Variants in PCDHA3 observed in about 807,000 individuals in gnomAD.
PCDHA3 encodes protocadherin alpha 3.
PCDHA3 carries 41 observed loss-of-function variants against 62.2 expected under a neutral mutation model. The observed-to-expected ratio is 0.66, with a 90% confidence interval of 0.51 to 0.86. The LOEUF (loss-of-function observed/expected upper bound fraction) is 0.86, where lower values mean the gene tolerates loss of function less well. Ranked by LOEUF, PCDHA3 falls within the 40% of genes least tolerant of loss-of-function variation. The probability of loss-of-function intolerance (pLI) is 0.00; values close to 1 mark genes in which losing one functional copy is unlikely to be tolerated. For missense variants in PCDHA3, 1,304 were observed against 1,241.2 expected, an observed-to-expected ratio of 1.05 and a Z score of -0.76; for synonymous variants, 640 against 555.4, an observed-to-expected ratio of 1.15 and a Z score of -2.14.
At chr5:140,844,146 A>G (rs1056681888) in intron 1 of PCDHA3, among the ~76,000 whole-genome samples, 1 of 149,130 alleles carries the variant, frequency 6.7e-6, no homozygotes, top group Non-Finnish European at 1.5e-5. Flanking sequence ...TTGTCTTTAT[A>G]TTTACTTTTA....
chr5:140,941,202 C>CCTTTCTTCCTTCCTTT (rs1394736170), intron 1 of PCDHA3, among the ~76,000 whole-genome samples: 7 of 122,740 alleles, frequency 5.7e-5, no homozygotes, highest in African/African-American at 1.5e-4. Context: ...TTTCTTTCTT[C>CCTTTCTTCCTTCCTTT]CTTTCTTTCT....
chr5:140,908,490 G>T (rs149646315), intron 1 of PCDHA3, among the ~76,000 whole-genome samples: 3,582 of 152,250 alleles, frequency 0.024, 49 homozygotes, highest in Middle Eastern at 0.034. Flanking sequence ...GGCAGTTCAG[G>T]TTGCTTGGTG....
Position 140,842,759 on chromosome 5 carries a change from C to T in PCDHA3, c.2394+39168C>T, listed in dbSNP as rs1270005538. 3 of 1,594,688 alleles carry T rather than the reference C, an allele frequency of 1.9e-6. No homozygotes were observed. The East Asian group carries it at 6.7e-5, about 36-fold the overall frequency. ...CTGCCACATCTTCACGGTGTCTGCG[C>T]GAGACGCGGACGCGCAGGAGAACGC... is the stretch of plus-strand genomic sequence containing the variant. On this transcript the variant is annotated intron_variant, in intron 1 of 3. Coordinates refer to ENST00000522353, the MANE Select transcript of PCDHA3 (RefSeq NM_018906.3).
chr5:140,918,115 A>T (rs185486488), intron 1 of PCDHA3, among the ~76,000 whole-genome samples: 1 of 152,080 alleles, frequency 6.6e-6, no homozygotes, highest in East Asian at 1.9e-4. Context: ...CACATCCTTG[A>T]TTAGCCATAT....
intron 3 of PCDHA3, among the ~76,000 whole-genome samples, chr5:140,987,370 A>G (rs183202119): frequency 5.2e-4 from 79 of 152,328 alleles, no homozygotes; most frequent in East Asian, 3.9e-4. Context: ...TTATATCATT[A>G]CAGGGTCAGA....
chr5:140,857,702 G>T (rs2044803207), intron 1 of PCDHA3: 1 of 1,597,298 alleles, frequency 6.3e-7, no homozygotes, highest in African/African-American at 1.3e-5. Flanking sequence ...GACGCTGCAG[G>T]TGTTCGTGCT....
chr5:140,848,233 T>A lies in PCDHA3; in HGVS notation c.2394+44642T>A. 2 of 410,950 alleles carry A rather than the reference T, an allele frequency of 4.9e-6. 1 individual carries two copies. The allele number at this position is 410,950 out of a possible 1,614,324, so 25.5% of individuals were successfully genotyped here. A position where few individuals can be genotyped will look rare whatever the true frequency, so the allele number is the denominator to read the frequency against. Reference sequence around the variant, plus strand: ...TTAAGAAAAAATTAAGAAAATGAAATAAGTTTTGCAGAATAACTGTGAAAT... The same window carrying A: ...TTAAGAAAAAATTAAGAAAATGAAAAAAGTTTTGCAGAATAACTGTGAAAT... On this transcript the variant is annotated intron_variant, in intron 1 of 3. Transcript: ENST00000522353.
At position 140,801,564 on chromosome 5, in the gene PCDHA3, G is replaced by T. The variant is rs782579018; in HGVS notation, c.367G>T (p.Val123Leu). ...GCAGGTTTTCCATGTGGAGGTGGAA[G>T]TGAAGGACATTAATGACAACGCGCC... ...PLQVFHVEVE[V>L]KDINDNAPVF... Residue 123 changes from valine (V) to leucine (L), a missense_variant, in exon 1 of 4, where the codon GTG (valine) becomes TTG (leucine). Physicochemically the swap from Val to Leu is conservative, Grantham distance 32. Coordinates refer to ENST00000522353, the MANE Select transcript of PCDHA3 (RefSeq NM_018906.3). 1 of 1,614,270 alleles carries T rather than the reference G, an allele frequency of 6.2e-7. No individual in the cohort carries two copies.
intron 3 of PCDHA3, among the ~76,000 whole-genome samples, chr5:140,991,912 A>G (rs1022060256): frequency 1.3e-5 from 2 of 152,150 alleles, no homozygotes; most frequent in Non-Finnish European, 2.9e-5. Context: ...CCCTTTTGCC[A>G]TGTAACATAA....
At chr5:140,882,989 G>C (rs567590369) in intron 1 of PCDHA3, 2 of 1,614,130 alleles carry the variant, frequency 1.2e-6, no homozygotes, top group Non-Finnish European at 8.5e-7. Context: ...CAACGCCCCG[G>C]AATTTTACCA....
chr5:140,966,690 G>T, intron 1 of PCDHA3: 1 of 1,349,568 alleles, frequency 7.4e-7, no homozygotes, highest in Non-Finnish European at 9.5e-7. Context: ...AGCGGAGGCG[G>T]GGCCCGGGCG....
At chr5:140,983,272 G>A (rs2097037556) in intron 3 of PCDHA3, among the ~76,000 whole-genome samples, 1 of 152,176 alleles carries the variant, frequency 6.6e-6, no homozygotes, top group African/African-American at 2.4e-5. Context: ...TAATGGCTGG[G>A]TGAGTATAGG....
chr5:140,805,472 A>G (rs1258521064), intron 1 of PCDHA3: 3 of 1,002,266 alleles, frequency 3.0e-6, no homozygotes, highest in Admixed American at 6.0e-5. Context: ...TAGTTCTTCA[A>G]TAGAGAGGGA....
At chr5:140,876,848 A>C (rs1562720449) in intron 1 of PCDHA3, 8 of 1,614,064 alleles carry the variant, frequency 5.0e-6, no homozygotes, top group Non-Finnish European at 5.1e-6. Flanking sequence ...GCGCAGCCCG[A>C]GTACACAGTG....
At chr5:140,867,456 T>G (rs1035822606) in intron 1 of PCDHA3, 8 of 152,272 alleles carry the variant, frequency 5.3e-5, no homozygotes, top group African/African-American at 1.9e-4. Context: ...AGAGTTCTAG[T>G]GTTATGACAA....
intron 1 of PCDHA3, among the ~76,000 whole-genome samples, chr5:140,915,245 C>T (rs1366061257): frequency 2.0e-5 from 3 of 152,088 alleles, no homozygotes; most frequent in Non-Finnish European, 4.4e-5. Flanking sequence ...CCATGCCTGG[C>T]CAGGTTGTTA....
chr5:140,981,138 G>A (rs1554242668), intron 2 of PCDHA3, among the ~76,000 whole-genome samples: 11 of 152,206 alleles, frequency 7.2e-5, no homozygotes. Flanking sequence ...GTCAAAGAGT[G>A]AGAAAACATT....
intron 1 of PCDHA3, among the ~76,000 whole-genome samples, chr5:140,832,518 C>T (rs1455279250): frequency 6.6e-6 from 1 of 152,190 alleles, no homozygotes; most frequent in African/African-American, 2.4e-5. Flanking sequence ...TCTGATTATA[C>T]TGAAGATCAC....
chr5:140,884,798 A>C, intron 1 of PCDHA3: 3 of 1,275,332 alleles, frequency 2.4e-6, no homozygotes, highest in Non-Finnish European at 3.2e-6. Flanking sequence ...TATCGAATTT[A>C]ACAACTCTGC....
Sources: allele counts gnomAD v4.1 joint callset (sites outside exome capture counted in the v4.1 genomes callset), GRCh38; gene constraint gnomAD v4.1.1; transcripts MANE v1.5; gene names NCBI Gene and HGNC (gene_info 2026-07-23, HGNC 2026-07-21).